Variants in SLC25A25 observed in about 807,000 individuals in gnomAD.
SLC25A25 encodes the protein solute carrier family 25 member 25, also known as mitochondrial adenyl nucleotide antiporter SLC25A25.
Under a neutral mutation model 57.7 loss-of-function variants are expected in SLC25A25, and 32 were observed. The ratio of observed to expected loss-of-function variants is 0.55; its 90% CI spans 0.42 to 0.74. The LOEUF (loss-of-function observed/expected upper bound fraction) is 0.74, where lower values mean the gene tolerates loss of function less well. Among genes scored for constraint, SLC25A25 ranks in the 30% least tolerant of loss-of-function variants. The probability of loss-of-function intolerance (pLI) is 0.00; values close to 1 mark genes in which losing one functional copy is unlikely to be tolerated. For synonymous variants in SLC25A25, 306 were observed against 291.2 expected (o/e 1.05, Z -0.52); for missense variants, 556 against 701.3 (o/e 0.79, Z 2.34).
intron 1 of SLC25A25, 196 bp from the exon 2 acceptor site, chr9:128,100,900 T>C: frequency 3.0e-6 from 2 of 661,254 alleles, no homozygotes; most frequent in South Asian, 4.0e-5. Context: ...GGCCAGCACC[T>C]GGGGTTCTAG....
intron 1 of SLC25A25, 84 bp downstream of exon 1, chr9:128,068,664 C>A: frequency 1.5e-6 from 2 of 1,327,758 alleles, no homozygotes; most frequent in East Asian, 3.1e-5. Context: ...GCCCCTTGGG[C>A]TGGGCGGAAC....
At chr9:128,077,917 T>G (rs1318876058) in intron 1 of SLC25A25, among the ~76,000 whole-genome samples, 1 of 151,670 alleles carries the variant, frequency 6.6e-6, no homozygotes, top group African/African-American at 2.4e-5. Flanking sequence ...TCCCAGCTAC[T>G]CGGGAGGCTG....
At position 128,099,242 on chromosome 9, in the gene SLC25A25, TTC is replaced by T. The variant is rs1177817223; in HGVS notation, c.262-1851_262-1850del. The T allele has an allele frequency of 7.8e-7, 1 of 1,288,948 alleles. No homozygotes were observed. Among genetic ancestry groups the T allele is most frequent in the Non-Finnish European group, 1.0e-6 (1 of 988,484 alleles). 79.8% of individuals were successfully genotyped at this position (1,288,948 alleles called of 1,614,324 possible). ...TCCGGAGGCCCCTTGCCACCTCGGC[TTC>T]TCGGTTAATCAGTTTCCCTGCTACC... is the stretch of plus-strand genomic sequence containing the variant. On this transcript the variant is annotated intron_variant, in intron 1 of 10. Transcript: ENST00000373069. This position sits in a 1 kb window ranked among gnomAD's most constrained non-coding sequence, Gnocchi z 6.8.
intron 1 of SLC25A25, among the ~76,000 whole-genome samples, chr9:128,097,930 G>A (rs780683627): frequency 6.6e-6 from 1 of 152,224 alleles, no homozygotes; most frequent in East Asian, 1.9e-4. Flanking sequence ...CTGGAGCCGT[G>A]TGTGGCCAGG....
Position 128,102,264 on chromosome 9 carries a change from G to A in SLC25A25, c.513-106G>A. The A allele has an allele frequency of 7.1e-7, 1 of 1,410,298 alleles. No individual in the cohort carries two copies. The highest frequency in any genetic ancestry group is 1.4e-5 in the African/African-American group (1 of 70,374). 87.4% of individuals were successfully genotyped at this position (1,410,298 alleles called of 1,614,324 possible). ...TCCTGGGGGCAGAGGCACCTCGTGT[G>A]GTTTCTGGGCATCCGAATGCCTGCC... On this transcript the variant is annotated intron_variant, in intron 4 of 10. Transcript: ENST00000373069. This position sits in a 1 kb window ranked among gnomAD's most constrained non-coding sequence, Gnocchi z 4.1.
Position 128,107,186 on chromosome 9 carries a change from C to T in SLC25A25, c.1363+7C>T. Reference sequence around the variant, plus strand: ...ACCCGGATGCAGGCGCAAGGTAAGGCTGGCCCTGGACAGTCCCCTGGGAGG... The same window carrying T: ...ACCCGGATGCAGGCGCAAGGTAAGGTTGGCCCTGGACAGTCCCCTGGGAGG... On this transcript the variant is annotated splice_region_variant and intron_variant, in intron 10 of 10. Coordinates refer to ENST00000373069, the MANE Select transcript of SLC25A25 (RefSeq NM_001330988.2). The T allele has an allele frequency of 6.2e-7, 1 of 1,613,646 alleles. No homozygotes were observed. The highest frequency in any genetic ancestry group is 2.2e-5 in the East Asian group (1 of 44,872).
At chr9:128,070,081 C>T (rs1349598148) in intron 1 of SLC25A25, among the ~76,000 whole-genome samples, 1 of 62,772 alleles carries the variant, frequency 1.6e-5, no homozygotes, top group Non-Finnish European at 3.6e-5. Flanking sequence ...CCACACCCAG[C>T]TAATTTTTTT....
intron 1 of SLC25A25, among the ~76,000 whole-genome samples, chr9:128,081,727 G>A (rs973286610): frequency 1.3e-5 from 2 of 152,062 alleles, no homozygotes; most frequent in African/African-American, 4.8e-5. Context: ...CCAGGAGTTC[G>A]AGACCAGTCT....
At chr9:128,092,764 A>G (rs1206267635) in intron 1 of SLC25A25, among the ~76,000 whole-genome samples, 2 of 152,178 alleles carry the variant, frequency 1.3e-5, no homozygotes, top group Non-Finnish European at 2.9e-5. Flanking sequence ...TCGTAGATGA[A>G]GAAACTGAGG....
At chr9:128,092,582 T>C (rs1833440799) in intron 1 of SLC25A25, among the ~76,000 whole-genome samples, 1 of 152,032 alleles carries the variant, frequency 6.6e-6, no homozygotes, top group African/African-American at 2.4e-5. Flanking sequence ...AGTGAAGGCA[T>C]GAGACTGGGT....
At chr9:128,085,026 A>G (rs1588759836) in intron 1 of SLC25A25, among the ~76,000 whole-genome samples, 1 of 152,160 alleles carries the variant, frequency 6.6e-6, no homozygotes, top group South Asian at 2.1e-4. Context: ...CGCAAGAAAA[A>G]TGTTTTAAAA....
chr9:128,098,726 G>A, intron 1 of SLC25A25: 1 of 1,613,676 alleles, frequency 6.2e-7, no homozygotes, highest in Non-Finnish European at 8.5e-7. Context: ...GTGGAAGCAG[G>A]TCTGTGGGGT....
intron 6 of SLC25A25, among the ~76,000 whole-genome samples, 193 bp downstream of exon 6, chr9:128,104,032 G>C (rs983098557): frequency 6.6e-6 from 1 of 152,142 alleles, no homozygotes; most frequent in African/African-American, 2.4e-5. Context: ...TGTGCAGAGC[G>C]GATCTAATTT....
chr9:128,099,101 G>C lies in SLC25A25; in HGVS notation c.262-1995G>C, dbSNP rs1833681193. The C allele has an allele frequency of 1.0e-6, 1 of 985,242 alleles. No individual in the cohort carries two copies. The highest frequency in any genetic ancestry group is 1.7e-5 in the African/African-American group (1 of 57,208). 61.0% of individuals were successfully genotyped at this position (985,242 alleles called of 1,614,324 possible). A position where few individuals can be genotyped will look rare whatever the true frequency, so the allele number is the denominator to read the frequency against. On this transcript the variant is annotated intron_variant, in intron 1 of 10. Coordinates refer to ENST00000373069, the MANE Select transcript of SLC25A25 (RefSeq NM_001330988.2). The surrounding 1 kb of genome is among the most constrained non-coding windows in gnomAD (Gnocchi z 6.8). ...CCAGGAGTTGAGGGTGCTGCGTGGT[G>C]GAGCTGCCCGTCCCTGGTGTGGGGG...
chr9:128,070,402 A>G (rs1264732756), intron 1 of SLC25A25, among the ~76,000 whole-genome samples: 1 of 150,256 alleles, frequency 6.7e-6, no homozygotes, highest in Non-Finnish European at 1.5e-5. Flanking sequence ...CCGGCCACCC[A>G]GCTAATTTTT....
At chr9:128,104,618 T>G (rs1403082663) in intron 6 of SLC25A25, among the ~76,000 whole-genome samples, 1 of 152,154 alleles carries the variant, frequency 6.6e-6, no homozygotes, top group East Asian at 1.9e-4. Flanking sequence ...ATCCTTTTGT[T>G]TTTTTAGCAG....
rs1832826164 is a variant in SLC25A25, at chr9:128,068,360, C to T, written c.41C>T (p.Pro14Leu). The change falls in exon 1 of 11, where the codon CCG becomes CTG. Residue 14 changes from proline to leucine, a missense_variant. Transcript: ENST00000373069. ...TTGTGCCGCTGTGTGGCCTCCCCGC[C>T]GCCGGACGCCGCCGCCACCGCCGCC... ...SVLCRCVASP[P>L]PDAAATAASS... 1.3e-6 allele frequency: 2 copies of T among 1,541,470 alleles called. No individual in the cohort carries two copies. Among genetic ancestry groups the T allele is most frequent in the African/African-American group, 1.4e-5 (1 of 70,508 alleles).
rs893882524 is a variant in SLC25A25, at chr9:128,108,085, G to C, written c.*641G>C. The C allele has an allele frequency of 5.0e-6, 2 of 399,112 alleles. No homozygotes were observed. The highest frequency in any genetic ancestry group is 8.8e-6 in the Non-Finnish European group (2 of 226,406). The allele number at this position is 399,112 out of a possible 1,614,324, so 24.7% of individuals were successfully genotyped here. Reference sequence around the variant, plus strand: ...TGGCTGGGGCTCTCGGGCATGCTTGGGAGTGCAGGGGGCTCGGGCTGCCTG... The same window carrying C: ...TGGCTGGGGCTCTCGGGCATGCTTGCGAGTGCAGGGGGCTCGGGCTGCCTG... On this transcript the variant is annotated 3_prime_UTR_variant, in exon 11 of 11. Transcript: ENST00000373069.
chr9:128,106,555 T>C (rs1200131091), intron 9 of SLC25A25, 35 bp downstream of exon 9: 1 of 1,541,986 alleles, frequency 6.5e-7, no homozygotes, highest in East Asian at 2.3e-5. Flanking sequence ...AGAAACCTCC[T>C]CCCAGCACAC....
Sources: allele counts gnomAD v4.1 joint callset (sites outside exome capture counted in the v4.1 genomes callset), GRCh38; gene constraint gnomAD v4.1.1; non-coding constraint Gnocchi (gnomAD v3.1); transcripts MANE v1.5; gene names NCBI Gene and HGNC (gene_info 2026-07-23, HGNC 2026-07-21).